Variants in RIMS2 observed in about 807,000 individuals in gnomAD.
RIMS2 encodes regulating synaptic membrane exocytosis 2, also known as regulating synaptic membrane exocytosis protein 2.
In RIMS2, 59 loss-of-function variants were observed where a neutral mutation model predicts 174.4. That is an observed-to-expected ratio of 0.34 (90% CI 0.27 to 0.42). The LOEUF (loss-of-function observed/expected upper bound fraction) is 0.42, where lower values mean the gene tolerates loss of function less well. Among genes scored for constraint, RIMS2 ranks in the 10% least tolerant of loss-of-function variants. The pLI is 1.00. For missense variants in RIMS2, 1,620 were observed against 1,666.3 expected, an observed-to-expected ratio of 0.97 and a Z score of 0.48; for synonymous variants, 606 against 572.5, an observed-to-expected ratio of 1.06 and a Z score of -0.84.
At chr8:103,573,326 A>G (rs1367870223) in intron 1 of RIMS2, among the ~76,000 whole-genome samples, 1 of 152,140 alleles carries the variant, frequency 6.6e-6, no homozygotes, top group African/African-American at 2.4e-5. Context: ...AGCCTCCAAA[A>G]GTGTTGGGGT....
chr8:104,065,328 A>G (rs927592118), intron 19 of RIMS2, among the ~76,000 whole-genome samples: 1 of 152,090 alleles, frequency 6.6e-6, no homozygotes, highest in African/African-American at 2.4e-5. Flanking sequence ...TCAACTAGTG[A>G]ACAGCCCTTC....
At chr8:104,202,393 T>G (rs1379753180) in intron 19 of RIMS2, among the ~76,000 whole-genome samples, 2 of 152,218 alleles carry the variant, frequency 1.3e-5, no homozygotes, top group Non-Finnish European at 1.5e-5. Flanking sequence ...AGTAAATTCC[T>G]TAAAGTTTTT....
chr8:103,531,808 G>A (rs1236024945), intron 1 of RIMS2, among the ~76,000 whole-genome samples: 3 of 152,134 alleles, frequency 2.0e-5, no homozygotes, highest in African/African-American at 7.2e-5. Context: ...AAAAACCAAT[G>A]AAGTTTGTAA....
chr8:103,634,678 T>C (rs1239438809), intron 1 of RIMS2, among the ~76,000 whole-genome samples: 2 of 152,240 alleles, frequency 1.3e-5, no homozygotes, highest in African/African-American at 4.8e-5. Flanking sequence ...TCTAGGAACT[T>C]GCTTTATGAA....
chr8:104,201,375 T>C (rs2099053823), intron 19 of RIMS2, among the ~76,000 whole-genome samples: 1 of 152,188 alleles, frequency 6.6e-6, no homozygotes, highest in African/African-American at 2.4e-5. Context: ...ATCAAAAAAT[T>C]CTAAAAAGAT....
At chr8:103,710,613 T>A (rs2097292152) in intron 2 of RIMS2, among the ~76,000 whole-genome samples, 1 of 152,150 alleles carries the variant, frequency 6.6e-6, no homozygotes, top group African/African-American at 2.4e-5. Context: ...AGCGTCAGAG[T>A]GTGGCAACTT....
chr8:104,038,573 T>A (rs1331214677), intron 19 of RIMS2, among the ~76,000 whole-genome samples: 1 of 151,956 alleles, frequency 6.6e-6, no homozygotes, highest in Non-Finnish European at 1.5e-5. Context: ...GGCATGGTAA[T>A]GAGAAATATG....
intron 3 of RIMS2, among the ~76,000 whole-genome samples, chr8:103,786,680 T>C (rs1448457218): frequency 6.6e-6 from 1 of 152,240 alleles, no homozygotes; most frequent in Non-Finnish European, 1.5e-5. Context: ...TGAGGAGAGC[T>C]TTACTTCCAA....
chr8:104,255,573 G>A (rs181676957), downstream of RIMS2: 16 of 152,342 alleles, frequency 1.1e-4, no homozygotes, highest in Admixed American at 4.6e-4. Flanking sequence ...AGGGACCCCA[G>A]ATGCCAAGGC....
intron 1 of RIMS2, among the ~76,000 whole-genome samples, chr8:103,534,116 G>C (rs796181961): frequency 2.0e-5 from 3 of 152,176 alleles, no homozygotes; most frequent in African/African-American, 7.2e-5. Flanking sequence ...ATAAATTTCT[G>C]TGTTCAACTT....
At chr8:103,840,244 A>C (rs1478059268) in intron 3 of RIMS2, among the ~76,000 whole-genome samples, 1 of 152,132 alleles carries the variant, frequency 6.6e-6, no homozygotes, top group East Asian at 1.9e-4. Flanking sequence ...AACCTTGGCA[A>C]TCATTTCCTT....
At chr8:103,900,077 A>G (rs573815751) in intron 4 of RIMS2, among the ~76,000 whole-genome samples, 7 of 151,620 alleles carry the variant, frequency 4.6e-5, no homozygotes, top group Non-Finnish European at 8.8e-5. Context: ...CCATTGGTCT[A>G]TATCTCTGTT....
At chr8:103,945,324 A>G (rs1003283952) in intron 14 of RIMS2, among the ~76,000 whole-genome samples, 4 of 152,118 alleles carry the variant, frequency 2.6e-5, no homozygotes, top group African/African-American at 7.2e-5. Flanking sequence ...ATCTTCCCAC[A>G]AAGAAAAACC....
At chr8:103,670,440 T>C (rs1047699302) in intron 1 of RIMS2, among the ~76,000 whole-genome samples, 8 of 152,260 alleles carry the variant, frequency 5.3e-5, no homozygotes, top group Non-Finnish European at 4.4e-5. Flanking sequence ...TTGAATTTCT[T>C]CATAGAAAAT....
intron 1 of RIMS2, among the ~76,000 whole-genome samples, chr8:103,619,974 A>G (rs1437193065): frequency 1.3e-5 from 2 of 152,178 alleles, no homozygotes; most frequent in African/African-American, 4.8e-5. Context: ...ATACATCTAT[A>G]AATGGACTTA....
At chr8:103,977,744 A>G (rs1287649594) in intron 16 of RIMS2, among the ~76,000 whole-genome samples, 1 of 152,256 alleles carries the variant, frequency 6.6e-6, no homozygotes, top group Non-Finnish European at 1.5e-5. Context: ...TGGAGTTTCC[A>G]TAGCCCCTCT....
intron 3 of RIMS2, among the ~76,000 whole-genome samples, chr8:103,775,146 G>A (rs2098298947): frequency 6.6e-6 from 1 of 152,012 alleles, no homozygotes. Flanking sequence ...TACTAAGTGT[G>A]CATTACATAT....
rs547137618 is a variant in RIMS2, at chr8:103,763,854, G to A, written c.388-2373G>A. ...TCAGCAGTTCACACTAAGGTAAACTGACAAGGCTGTGTATGAACTCCTTTG... is the reference window on the plus strand; with the variant it reads ...TCAGCAGTTCACACTAAGGTAAACTAACAAGGCTGTGTATGAACTCCTTTG... On this transcript the variant is annotated intron_variant, in intron 2 of 23. Transcript: ENST00000504942. Among the ~76,000 whole-genome samples, 3 of 152,320 alleles carry A rather than the reference G, an allele frequency of 2.0e-5. No individual in the cohort carries two copies. In the East Asian group the frequency reaches 5.8e-4, roughly 29 times the overall value.
exon 16 of RIMS2, chr8:103,975,487 A>C: frequency 6.2e-7 from 1 of 1,613,252 alleles, no homozygotes; most frequent in Non-Finnish European, 8.5e-7. Flanking sequence ...ATGGTCACCC[A>C]GTGTCCCTCC....
Sources: gnomAD v4.1 joint callset for allele counts (sites outside exome capture counted in the v4.1 genomes callset) on GRCh38, gnomAD v4.1.1 for gene constraint, MANE v1.5 for transcripts, NCBI Gene and HGNC (gene_info 2026-07-23, HGNC 2026-07-21) for gene names.